The following SNX30 variants were observed in gnomAD, a reference collection of about 807,000 sequenced individuals.
The protein encoded by SNX30 is sorting nexin-30.
In SNX30, 24 loss-of-function variants were observed where a neutral mutation model predicts 46.4. The observed-to-expected ratio is 0.52, with a 90% CI of 0.37 to 0.73. SNX30 has a LOEUF of 0.73. Among genes scored for constraint, SNX30 ranks in the 30% least tolerant of loss-of-function variants. The pLI, the probability that SNX30 is intolerant of heterozygous loss-of-function variation, is 0.00. For missense variants in SNX30, 533 were observed against 555.7 expected (o/e 0.96, Z 0.41); for synonymous variants, 189 against 211.5 (o/e 0.89, Z 0.92).
At chr9:112,875,655 C>T (rs1841509443), downstream of SNX30, among the ~76,000 whole-genome samples, 1 of 152,232 alleles carries the variant, frequency 6.6e-6, no homozygotes, top group Non-Finnish European at 1.5e-5. Flanking sequence ...CAGGCAGCTT[C>T]TCACTGTGAT....
At chr9:112,857,832 C>G (rs1422714813) in intron 7 of SNX30, among the ~76,000 whole-genome samples, 2 of 151,858 alleles carry the variant, frequency 1.3e-5, no homozygotes, top group Non-Finnish European at 2.9e-5. Context: ...ATTTATTGCT[C>G]TGTTGCCAGG....
chr9:112,845,995 C>T (rs951083575), intron 6 of SNX30, among the ~76,000 whole-genome samples: 3 of 152,012 alleles, frequency 2.0e-5, no homozygotes, highest in African/African-American at 7.3e-5. Flanking sequence ...GAAGATATCA[C>T]AGCCATAAAA....
intron 1 of SNX30, among the ~76,000 whole-genome samples, chr9:112,793,162 G>T (rs1192913896): frequency 2.0e-5 from 3 of 152,158 alleles, no homozygotes; most frequent in African/African-American, 7.2e-5. Flanking sequence ...ACTTGATGTT[G>T]TTAGCATTGT....
At chr9:112,852,405 G>A (rs1841043173) in intron 7 of SNX30, among the ~76,000 whole-genome samples, 1 of 152,176 alleles carries the variant, frequency 6.6e-6, no homozygotes, top group Admixed American at 6.5e-5. Flanking sequence ...CTGTGCATCA[G>A]TTATATGTAA....
intron 1 of SNX30, among the ~76,000 whole-genome samples, chr9:112,776,723 G>C (rs375822935): frequency 8.1e-4 from 124 of 152,362 alleles, no homozygotes; most frequent in African/African-American, 2.8e-3. Flanking sequence ...GGATAGGGGT[G>C]GGGTAAGTCT....
At chr9:112,830,645 T>C (rs543535028) in intron 3 of SNX30, 80 bp from the exon 4 acceptor site, 1 of 1,339,522 alleles carries the variant, frequency 7.5e-7, no homozygotes, top group Non-Finnish European at 1.0e-6. Context: ...AGAGGGGTAA[T>C]AGAACTGTGT....
Position 112,873,921 on chromosome 9 carries a change from TTTAGTG to T in SNX30, c.*5082_*5087del, listed in dbSNP as rs375660216. On this transcript the variant is annotated 3_prime_UTR_variant, in exon 9 of 9. Coordinates refer to ENST00000374232, the MANE Select transcript of SNX30 (RefSeq NM_001012994.2). ...TAATTTAGTCCATTTTAGCAGAGCC[TTTAGTG>T]TTAACACCAGTGGCGAGGAGCATTG... The T allele has an allele frequency of 1.1e-4, 17 of 152,328 alleles. No homozygotes were observed. The highest frequency in any genetic ancestry group is 2.1e-4 in the South Asian group (1 of 4,828). The allele number at this position is 152,328 out of a possible 1,614,324, so 9.4% of individuals were successfully genotyped here. A position where few individuals can be genotyped will look rare whatever the true frequency, so the allele number is the denominator to read the frequency against.
intron 6 of SNX30, among the ~76,000 whole-genome samples, chr9:112,846,932 C>G (rs929433102): frequency 6.6e-6 from 1 of 152,174 alleles, no homozygotes; most frequent in African/African-American, 2.4e-5. Flanking sequence ...GTGCATGAGT[C>G]TGAGGGTGGG....
chr9:112,829,201 G>A (rs1444545096), intron 3 of SNX30, among the ~76,000 whole-genome samples: 2 of 152,132 alleles, frequency 1.3e-5, no homozygotes, highest in African/African-American at 2.4e-5. Context: ...TGTAAACAAG[G>A]CTGTTATGAC....
chr9:112,751,283 G>A (rs1024020746), intron 1 of SNX30, 126 bp downstream of exon 1: 4 of 1,180,966 alleles, frequency 3.4e-6, no homozygotes, highest in Non-Finnish European at 4.3e-6. Flanking sequence ...GGACGGGCGT[G>A]TCCTGGCCCC....
chr9:112,879,640 C>G (rs1460837139), downstream of SNX30: 1 of 870,590 alleles, frequency 1.1e-6, no homozygotes, highest in East Asian at 2.5e-5. Flanking sequence ...GAGGCCAACT[C>G]TGGCTGGAAC....
At chr9:112,750,233 C>G (rs559126279), upstream of SNX30, among the ~76,000 whole-genome samples, 1 of 152,216 alleles carries the variant, frequency 6.6e-6, no homozygotes. Context: ...CAGAGTGAGC[C>G]TGAAGACTCC....
chr9:112,822,531 G>GTTTTTTT (rs1340146319), intron 3 of SNX30, among the ~76,000 whole-genome samples: 6 of 34,406 alleles, frequency 1.7e-4, no homozygotes, highest in African/African-American at 2.3e-4. Context: ...TCCCTTTGCT[G>GTTTTTTT]TTTTGTTTTG....
rs1004099436 is a variant in SNX30, at chr9:112,751,435, G to A, written c.156+278G>A. ...CAGCCTGCGTGTTGGAGCGGGAGGC[G>A]TGTGTTCAGGGCAGGGCGCCTGTGT... On this transcript the variant is annotated intron_variant, in intron 1 of 8. Transcript: ENST00000374232. Among the ~76,000 whole-genome samples the A allele has an allele frequency of 9.2e-5, 14 of 152,332 alleles. No homozygotes were observed. In the East Asian group the frequency reaches 2.7e-3, roughly 29 times the overall value.
intron 7 of SNX30, among the ~76,000 whole-genome samples, chr9:112,860,873 A>G (rs1281831005): frequency 6.6e-6 from 1 of 152,220 alleles, no homozygotes; most frequent in Non-Finnish European, 1.5e-5. Context: ...TACTGATATG[A>G]GCTAACAAAT....
chr9:112,775,925 C>T (rs1159759022), intron 1 of SNX30, among the ~76,000 whole-genome samples: 2 of 151,936 alleles, frequency 1.3e-5, no homozygotes, highest in African/African-American at 4.8e-5. Context: ...ACTCTTCCTT[C>T]ATTTTTAATG....
intron 1 of SNX30, among the ~76,000 whole-genome samples, chr9:112,764,849 G>T (rs1839508658): frequency 6.6e-6 from 1 of 152,208 alleles, no homozygotes; most frequent in Admixed American, 6.5e-5. Flanking sequence ...TGGAACCAGG[G>T]GTCTGAATGC....
In SNX30 at chr9:112,751,163, G is replaced by T; in HGVS notation, c.156+6G>T. 1 of 1,501,786 alleles carries T rather than the reference G, an allele frequency of 6.7e-7. No homozygotes were observed. The allele number at this position is 1,501,786 out of a possible 1,614,324, so 93.0% of individuals were successfully genotyped here. On this transcript the variant is annotated splice_donor_region_variant and intron_variant, in intron 1 of 8. Transcript: ENST00000374232. ...CCCGCAGCTTCGGTGACAAGGTGGGGCGCCTGGGGCCGGGGAGTGGGAGGC... is the reference window on the plus strand; with the variant it reads ...CCCGCAGCTTCGGTGACAAGGTGGGTCGCCTGGGGCCGGGGAGTGGGAGGC...
intron 1 of SNX30, among the ~76,000 whole-genome samples, chr9:112,766,226 T>C (rs1358556558): frequency 3.3e-5 from 5 of 152,180 alleles, no homozygotes; most frequent in African/African-American, 1.2e-4. Context: ...GTATCTCTCC[T>C]TTTCCTCCAC....
Sources: allele counts gnomAD v4.1 joint callset (sites outside exome capture counted in the v4.1 genomes callset), GRCh38; gene constraint gnomAD v4.1.1; transcripts MANE v1.5; gene names NCBI Gene and HGNC (gene_info 2026-07-23, HGNC 2026-07-21).